TCF4: variants seen among roughly 807,000 people sequenced by gnomAD.
TCF4 encodes transcription factor 4, also known as SL3-3 enhancer factor 2.
In TCF4, 3 loss-of-function variants were observed where a neutral mutation model predicts 82.1. That is an observed-to-expected ratio of 0.04 (90% CI 0.02 to 0.09). The LOEUF (loss-of-function observed/expected upper bound fraction) is 0.09. TCF4 is among the 10% of genes least tolerant of loss of function. TCF4 has a pLI of 1.00. For synonymous variants in TCF4, 276 were observed against 309.6 expected, an observed-to-expected ratio of 0.89 and a Z score of 1.14; for missense variants, 518 against 852.7, an observed-to-expected ratio of 0.61 and a Z score of 4.89.
intron 6 of TCF4, among the ~76,000 whole-genome samples, chr18:55,392,772 T>C (rs940532946): frequency 2.6e-5 from 4 of 152,190 alleles, no homozygotes; most frequent in African/African-American, 9.6e-5. Flanking sequence ...GTGTGTTTCA[T>C]ATATATAGAC....
Position 55,357,025 on chromosome 18 carries a change from CA to C in TCF4, c.370-6023del, listed in dbSNP as rs543141888. 6.0e-4 allele frequency among the ~76,000 whole-genome samples: 92 copies of C among 152,132 alleles called. 1 individual carries two copies. Among genetic ancestry groups the C allele is most frequent in the Non-Finnish European group, 3.8e-4 (26 of 67,998 alleles). On this transcript the variant is annotated intron_variant, in intron 6 of 19. Transcript: ENST00000354452. ...ATGGTAACTAGTACTTAATGTATAACAGAGTAACAGTCAAGTAAAGACTCAT... is the reference window on the plus strand; with the variant it reads ...ATGGTAACTAGTACTTAATGTATAACGAGTAACAGTCAAGTAAAGACTCAT...
At position 55,362,290 on chromosome 18, in the gene TCF4, T is replaced by G. The variant is rs533445993; in HGVS notation, c.370-11287A>C. On this transcript the variant is annotated intron_variant, in intron 6 of 19. Transcript: ENST00000354452. ...ATGATCGCACCACTGCACTCCAGCCTGGGCAACAGAATGAGACTTTGTCTC... is the reference window on the plus strand; with the variant it reads ...ATGATCGCACCACTGCACTCCAGCCGGGGCAACAGAATGAGACTTTGTCTC... Among the ~76,000 whole-genome samples the G allele has an allele frequency of 3.4e-5, 5 of 146,878 alleles. No homozygotes were observed. In the East Asian group the frequency reaches 1.0e-3, roughly 29 times the overall value.
rs1223992585 is a variant in TCF4, at chr18:55,538,019, C to CGT, written c.145+47260_145+47261insAC. The stretch of plus-strand genomic sequence containing the variant: ...TGCTAGTCTGGATTTTGCTAGTCTG[C>CGT]GCGCGCGCACACACACACACACACA... On this transcript the variant is annotated intron_variant, in intron 3 of 19. Coordinates refer to ENST00000354452, the MANE Select transcript of TCF4 (RefSeq NM_001083962.2). Among the ~76,000 whole-genome samples, 11 of 100,486 alleles carry CGT rather than the reference C, an allele frequency of 1.1e-4. No homozygotes were observed. The South Asian group carries it at 2.1e-3, about 19-fold the overall frequency. 65.9% of individuals were successfully genotyped at this position (100,486 alleles called of 152,430 possible).
At chr18:55,528,442 G>A (rs1435968827) in intron 3 of TCF4, among the ~76,000 whole-genome samples, 1 of 152,052 alleles carries the variant, frequency 6.6e-6, no homozygotes, top group Non-Finnish European at 1.5e-5. Flanking sequence ...AGCCTTACCT[G>A]GAAATACTCT....
chr18:55,631,382 A>C, exon 2 of TCF4: 1 of 1,547,964 alleles, frequency 6.5e-7, no homozygotes, highest in Non-Finnish European at 8.7e-7. Context: ...TGTTTACAAA[A>C]CATTTGCTGC....
chr18:55,518,914 CTA>C (rs1364942911), intron 3 of TCF4: 1 of 152,046 alleles, frequency 6.6e-6, no homozygotes, highest in Non-Finnish European at 1.5e-5. Flanking sequence ...ATTTAGTTCC[CTA>C]TATTCTTACA....
At chr18:55,537,954 G>A (rs1029912623) in intron 3 of TCF4, among the ~76,000 whole-genome samples, 12 of 151,622 alleles carry the variant, frequency 7.9e-5, no homozygotes, top group African/African-American at 2.9e-4. Context: ...AGTGACCCAG[G>A]CATGAAGGTA....
At chr18:55,271,314 T>C (rs1337107493) in intron 10 of TCF4, among the ~76,000 whole-genome samples, 1 of 152,162 alleles carries the variant, frequency 6.6e-6, no homozygotes. Context: ...TTGTAAACTC[T>C]TTAAAGGAAT....
chr18:55,275,372 G>A (rs2061315792), intron 10 of TCF4, among the ~76,000 whole-genome samples: 1 of 150,970 alleles, frequency 6.6e-6, no homozygotes, highest in Non-Finnish European at 1.5e-5. Context: ...CTGACATTGT[G>A]ATAAAGAAGG....
chr18:55,236,955 C>A (rs868667866), intron 15 of TCF4, among the ~76,000 whole-genome samples: 3 of 152,198 alleles, frequency 2.0e-5, no homozygotes, highest in Non-Finnish European at 4.4e-5. Flanking sequence ...GATTTCTTTG[C>A]AAGCATCTGT....
At chr18:55,572,546 T>A (rs976816520) in intron 3 of TCF4, among the ~76,000 whole-genome samples, 1 of 152,154 alleles carries the variant, frequency 6.6e-6, no homozygotes, top group Admixed American at 6.5e-5. Context: ...ATTTCCTCCC[T>A]GTGACAAAAT....
At chr18:55,403,991 G>C in intron 5 of TCF4, 1 of 1,249,110 alleles carries the variant, frequency 8.0e-7, no homozygotes, top group Non-Finnish European at 1.0e-6. Context: ...TCAAAATTCT[G>C]AGTCTCTCTC....
chr18:55,498,727 A>G (rs1353201896), intron 3 of TCF4, among the ~76,000 whole-genome samples: 1 of 152,104 alleles, frequency 6.6e-6, no homozygotes, highest in Non-Finnish European at 1.5e-5. Flanking sequence ...TCTAGCACCA[A>G]TGGCTTAGTG....
intron 3 of TCF4, chr18:55,482,975 T>G (rs1568185282): frequency 6.6e-6 from 1 of 152,212 alleles, no homozygotes; most frequent in Non-Finnish European, 1.5e-5. Context: ...ATTGGACTTG[T>G]CATAGACGTA....
rs192498625 is a variant in TCF4 at position 55,610,055 on chromosome 18, A to G, written c.286+21243T>C. On this transcript the variant is annotated intron_variant, in intron 2 of 20. Coordinates refer to the TCF4 transcript ENST00000398339. ...AGGGTTTTTGTCTGTTTCTTCACCT[A>G]GTAGCACCTAGACCTGTGCCTAGCC... Among the ~76,000 whole-genome samples, 947 of 152,168 alleles carry G rather than the reference A, an allele frequency of 6.2e-3. 6 individuals carry two copies. Among genetic ancestry groups the G allele is most frequent in the Non-Finnish European group, 0.01 (704 of 68,002 alleles).
At chr18:55,351,092 C>T (rs2082223338) in intron 6 of TCF4, 89 bp from the exon 7 acceptor site, 1 of 1,528,852 alleles carries the variant, frequency 6.5e-7, no homozygotes, top group Admixed American at 1.7e-5. Flanking sequence ...TAAACCAATG[C>T]AATAAAGCAA....
Position 55,448,005 on chromosome 18 carries a change from TG to T in TCF4, c.304+13013del, listed in dbSNP as rs201980586. 6.1e-4 allele frequency among the ~76,000 whole-genome samples: 51 copies of T among 83,142 alleles called. 1 individual carries two copies. The highest frequency in any genetic ancestry group is 7.1e-4 in the Non-Finnish European group (30 of 42,048). 54.5% of individuals were successfully genotyped at this position (83,142 alleles called of 152,430 possible). ...CCTATTGTTTTGTGGGGGGATGATA[TG>T]GGGGGGGAGGTGGCTTCTTTGACAA... On this transcript the variant is annotated intron_variant, in intron 5 of 19. Transcript: ENST00000354452.
rs1384838102 is a variant in TCF4, at chr18:55,588,165, G to GCCT, written c.-149_-148insAGG. On this transcript the variant is annotated 5_prime_UTR_variant, in exon 1 of 20. Transcript: ENST00000354452. ...CCGCGCCTGCTGCCTCCCCGCCGCC[G>GCCT]CCGCCGCCGCCGCCACTACAGATCC... 4 of 1,105,082 alleles carry GCCT rather than the reference G, an allele frequency of 3.6e-6. No individual in the cohort carries two copies. In the East Asian group the frequency reaches 1.6e-4, roughly 45 times the overall value. The allele number at this position is 1,105,082 out of a possible 1,614,324, so 68.5% of individuals were successfully genotyped here. A position where few individuals can be genotyped will look rare whatever the true frequency, so the allele number is the denominator to read the frequency against.
At chr18:55,387,091 C>G (rs1441489265) in intron 6 of TCF4, among the ~76,000 whole-genome samples, 1 of 152,224 alleles carries the variant, frequency 6.6e-6, no homozygotes, top group Non-Finnish European at 1.5e-5. Context: ...AAAGGTCTGA[C>G]CACCCATCCA....
Sources: allele counts gnomAD v4.1 joint callset (sites outside exome capture counted in the v4.1 genomes callset), GRCh38; gene constraint gnomAD v4.1.1; transcripts MANE v1.5; gene names NCBI Gene and HGNC (gene_info 2026-07-23, HGNC 2026-07-21).